MTCL1: variants seen among roughly 807,000 people sequenced by gnomAD.
MTCL1 encodes microtubule crosslinking factor 1, also known as microtubule cross-linking factor 1.
Under a neutral mutation model 141.4 loss-of-function variants are expected in MTCL1, and 79 were observed. The observed-to-expected ratio is 0.56, with a 90% confidence interval of 0.47 to 0.67. MTCL1 has a LOEUF of 0.67. Among genes scored for constraint, MTCL1 ranks in the 30% least tolerant of loss-of-function variants. MTCL1 has a pLI of 0.00. For synonymous variants in MTCL1, 914 were observed against 875.8 expected, an observed-to-expected ratio of 1.04 and a Z score of -0.77; for missense variants, 2,177 against 2,113.9, an observed-to-expected ratio of 1.03 and a Z score of -0.59.
At chr18:8,760,541 A>G (rs1159346013) in intron 4 of MTCL1, among the ~76,000 whole-genome samples, 2 of 152,248 alleles carry the variant, frequency 1.3e-5, no homozygotes, top group South Asian at 2.1e-4. Flanking sequence ...TTGACTTCTC[A>G]GTCAATACAG....
intron 13 of MTCL1, among the ~76,000 whole-genome samples, chr18:8,819,912 C>T (rs2076786611): frequency 6.6e-6 from 1 of 152,108 alleles, no homozygotes; most frequent in Non-Finnish European, 1.5e-5. Context: ...CACCCAGCCT[C>T]AACTTTTCTT....
chr18:8,820,340 G>A (rs1178840660), intron 13 of MTCL1, among the ~76,000 whole-genome samples: 1 of 152,060 alleles, frequency 6.6e-6, no homozygotes, highest in Non-Finnish European at 1.5e-5. Flanking sequence ...AACCCAGGAG[G>A]CGGAGCTTGT....
exon 7 of MTCL1, chr18:8,785,969 G>C (rs779623459): frequency 1.3e-6 from 2 of 1,597,676 alleles, no homozygotes; most frequent in Non-Finnish European, 1.7e-6. Context: ...GTGGCAGCTC[G>C]GGCCGGCCCG....
chr18:8,785,969 G>A lies in MTCL1; in HGVS notation c.1765G>A (p.Gly589Arg), dbSNP rs779623459. The change falls in exon 7 of 17, where the codon GGG becomes AGG. Residue 589 changes from glycine (G) to arginine (R), a missense_variant. By Grantham distance (125) the Gly-to-Arg change is moderately radical (BLOSUM62 -2). Transcript: ENST00000359865. The stretch of plus-strand genomic sequence containing the variant: ...GAAAGAGCAGCTGGAGTGGCAGCTC[G>A]GGCCGGCCCGAGGGGACGAGCGGGA... 65 of 1,597,676 alleles carry A rather than the reference G, an allele frequency of 4.1e-5. No homozygotes were observed. Among genetic ancestry groups the A allele is most frequent in the Middle Eastern group, 2.2e-4 (1 of 4,494 alleles).
exon 1 of MTCL1, chr18:8,706,702 G>C: frequency 1.9e-6 from 3 of 1,545,954 alleles, no homozygotes; most frequent in Non-Finnish European, 2.6e-6. Flanking sequence ...CTCGGAGAAC[G>C]ACTATCTCAA....
chr18:8,781,910 G>A (rs142055268), intron 5 of MTCL1, among the ~76,000 whole-genome samples: 82 of 152,310 alleles, frequency 5.4e-4, no homozygotes, highest in African/African-American at 1.7e-3. Context: ...CACAGATAGC[G>A]CCAGGGCAAG....
At chr18:8,778,546 G>A (rs1207827128) in intron 5 of MTCL1, among the ~76,000 whole-genome samples, 1 of 152,178 alleles carries the variant, frequency 6.6e-6, no homozygotes, top group Admixed American at 6.5e-5. Flanking sequence ...GTAACTAAGA[G>A]CTCAGCAACC....
chr18:8,744,690 G>GT (rs1167184250), intron 4 of MTCL1, among the ~76,000 whole-genome samples: 14 of 151,672 alleles, frequency 9.2e-5, no homozygotes, highest in Admixed American at 4.6e-4. Context: ...GCATGGTATG[G>GT]TTTTTTTTGA....
At chr18:8,831,405 A>G (rs554372024) in intron 16 of MTCL1, 2 of 1,409,168 alleles carry the variant, frequency 1.4e-6, no homozygotes, top group African/African-American at 1.4e-5. Context: ...GTCTCTTCCC[A>G]TTCATGTCAC....
Position 8,793,133 on chromosome 18 carries a change from C to T in MTCL1, c.2010+13C>T. 3 of 1,612,760 alleles carry T rather than the reference C, an allele frequency of 1.9e-6. 1 individual carries two copies. In the South Asian group the frequency reaches 3.3e-5, roughly 18 times the overall value. ...CAAGATCCATAAGGTAAATATTTAA[C>T]ACGGACTCAGCACAACCGCTTTGTG... On this transcript the variant is annotated intron_variant, in intron 8 of 16. Coordinates refer to ENST00000359865, the Ensembl canonical transcript of MTCL1.
At chr18:8,746,066 G>GTCA (rs2096335852) in intron 4 of MTCL1, among the ~76,000 whole-genome samples, 1 of 152,244 alleles carries the variant, frequency 6.6e-6, no homozygotes, top group African/African-American at 2.4e-5. Flanking sequence ...TGCAGCATGT[G>GTCA]TCAGAATTTC....
chr18:8,763,077 C>G (rs1475702059), intron 4 of MTCL1, among the ~76,000 whole-genome samples: 1 of 152,178 alleles, frequency 6.6e-6, no homozygotes, highest in Non-Finnish European at 1.5e-5. Context: ...AAATTCTTCT[C>G]CCCCCAACCA....
At chr18:8,775,684 C>G (rs1187904237) in intron 4 of MTCL1, among the ~76,000 whole-genome samples, 1 of 152,126 alleles carries the variant, frequency 6.6e-6, no homozygotes, top group Non-Finnish European at 1.5e-5. Flanking sequence ...ACAGGCTTAC[C>G]TTTACCTGTT....
chr18:8,750,509 A>G (rs1379783400), intron 4 of MTCL1, among the ~76,000 whole-genome samples: 1 of 152,152 alleles, frequency 6.6e-6, no homozygotes, highest in African/African-American at 2.4e-5. Flanking sequence ...GGGCCAGTGC[A>G]TTCTGCGCTT....
intron 4 of MTCL1, among the ~76,000 whole-genome samples, chr18:8,772,351 C>T (rs2096488334): frequency 6.6e-6 from 1 of 152,200 alleles, no homozygotes; most frequent in African/African-American, 2.4e-5. Context: ...TCATTGCAAT[C>T]CCACATAGGA....
chr18:8,739,369 C>G (rs55706291), intron 4 of MTCL1, among the ~76,000 whole-genome samples: 1 of 152,074 alleles, frequency 6.6e-6, no homozygotes, highest in South Asian at 2.1e-4. Context: ...TTGGGGTGGG[C>G]GTGCATGCGC....
intron 4 of MTCL1, among the ~76,000 whole-genome samples, chr18:8,727,556 A>G (rs2096224051): frequency 6.6e-6 from 1 of 152,122 alleles, no homozygotes; most frequent in Non-Finnish European, 1.5e-5. Context: ...GATGTGGAGC[A>G]TTTCTTCATG....
At chr18:8,710,837 C>A (rs1287595054) in intron 1 of MTCL1, among the ~76,000 whole-genome samples, 1 of 80,926 alleles carries the variant, frequency 1.2e-5, no homozygotes, top group Non-Finnish European at 2.4e-5. Context: ...GGAAGGCTTT[C>A]TTTTTTTTTT....
At chr18:8,824,951 A>G (rs1422694379) in exon 15 of MTCL1, 6 of 1,613,568 alleles carry the variant, frequency 3.7e-6, no homozygotes, top group Admixed American at 1.7e-5. Flanking sequence ...AGGACAGCAC[A>G]GAGCCTTTCC....
Sources: gnomAD v4.1 joint callset for allele counts (sites outside exome capture counted in the v4.1 genomes callset) on GRCh38, gnomAD v4.1.1 for gene constraint, MANE v1.5 for transcripts, NCBI Gene and HGNC (gene_info 2026-07-23, HGNC 2026-07-21) for gene names.